SLC26A1: variants seen among roughly 807,000 people sequenced by gnomAD.
The protein encoded by SLC26A1 is solute carrier family 26 member 1.
In SLC26A1, 18 loss-of-function variants were observed where a neutral mutation model predicts 14.5. The observed-to-expected ratio is 1.24, with a 90% CI of 0.86 to 1.84. The LOEUF is 1.84. Among genes scored for constraint, SLC26A1 ranks in the 40% most tolerant of loss-of-function variants. The pLI is 0.00. For missense variants in SLC26A1, 1,049 were observed against 1,020.0 expected (o/e 1.03, Z -0.39); for synonymous variants, 505 against 492.0 (o/e 1.03, Z -0.35).
chr4:988,524 A>G lies in SLC26A1; in HGVS notation c.*309T>C. 1 of 1,196,620 alleles carries G rather than the reference A, an allele frequency of 8.4e-7. No homozygotes were observed. The highest frequency in any genetic ancestry group is 1.0e-6 in the Non-Finnish European group (1 of 963,104). The allele number at this position is 1,196,620 out of a possible 1,614,324, so 74.1% of individuals were successfully genotyped here. On this transcript the variant is annotated 3_prime_UTR_variant, in exon 3 of 3. Transcript: ENST00000398516. ...GGCGGGGGACCCTTGTTCAAATAAG[A>G]TGTCAACCCTGAGCGTCAGGTCAGG...
rs191038777 is a variant in SLC26A1, at chr4:982,552, C to T, written c.577-3048G>A. Among the ~76,000 whole-genome samples, 595 of 152,352 alleles carry T rather than the reference C, an allele frequency of 3.9e-3. 35 individuals are homozygous for T. In the South Asian group the frequency reaches 0.1, roughly 26 times the overall value. On this transcript the variant is annotated intron_variant, in intron 2 of 2. Transcript: ENST00000398520. Reference sequence around the variant, plus strand: ...CTGCCCGGACGCCCCCAGTGAAAGGCGGACCTGGAAGCAATGTGCCAGGCG... The same window carrying T: ...CTGCCCGGACGCCCCCAGTGAAAGGTGGACCTGGAAGCAATGTGCCAGGCG...
Position 990,072 on chromosome 4 carries a change from C to T in SLC26A1, c.867G>A (p.Arg289=), listed in dbSNP as rs1391100406. ...ELSDRYRHRL[R]VPLPTELLVI... ...CCAGCAGCTCCGTGGGCAGCGGCAC[C>T]CTCAGGCGGTGTCGGTAGCGGTCTG... The change falls in exon 3 of 3, where the codon AGG becomes AGA. Residue 289 remains arginine, a synonymous_variant. Transcript: ENST00000398516. 1.9e-6 allele frequency: 3 copies of T among 1,601,400 alleles called. No homozygotes were observed. The highest frequency in any genetic ancestry group is 2.7e-5 in the African/African-American group (2 of 74,894).
In SLC26A1 at chr4:988,969, A is replaced by G; in HGVS notation, c.1970T>C (p.Leu657Pro). 1 of 1,596,980 alleles carries G rather than the reference A, an allele frequency of 6.3e-7. No individual in the cohort carries two copies. Among genetic ancestry groups the G allele is most frequent in the African/African-American group, 1.3e-5 (1 of 74,634 alleles). The part of the protein sequence containing the change: ...ACCSPPVRDI[L>P]SRGGFLGEGP... ...CTCCCCGAGGAAGCCTCCTCTGCTC[A>G]GAATGTCTCTCACAGGCGGGCTGCA... Residue 657 changes from leucine (L) to proline (P), a missense_variant, in exon 3 of 3, where the codon CTG becomes CCG. Leu to Pro is a moderately conservative substitution (Grantham distance 98, BLOSUM62 -3). Transcript: ENST00000398516.
chr4:983,372 C>T (rs774458131), downstream of SLC26A1, among the ~76,000 whole-genome samples: 1 of 152,202 alleles, frequency 6.6e-6, no homozygotes, highest in Non-Finnish European at 1.5e-5. Flanking sequence ...AATAACTTTT[C>T]TCTGTCTTTC....
chr4:987,046 T>G (rs778289738), downstream of SLC26A1: 86 of 1,512,854 alleles, frequency 5.7e-5, no homozygotes, highest in East Asian at 2.9e-4. Context: ...GAACCGGCAG[T>G]GCAGCCCGAA....
downstream of SLC26A1, among the ~76,000 whole-genome samples, chr4:985,303 G>A (rs1713670978): frequency 6.6e-6 from 1 of 152,280 alleles, no homozygotes. Flanking sequence ...CCGCCCCAAA[G>A]CGGGCCCCGC....
Position 988,240 on chromosome 4 carries a change from C to T in SLC26A1, c.*593G>A, listed in dbSNP as rs1372212813. The stretch of plus-strand genomic sequence containing the variant: ...AGCATCCCTGTGTGTGTCTGCTGGC[C>T]AGGCTGGGTAGGGCCACTGCACCTG... On this transcript the variant is annotated 3_prime_UTR_variant, in exon 3 of 3. Coordinates refer to ENST00000398516, the MANE Select transcript of SLC26A1 (RefSeq NM_022042.4). 1.6e-6 allele frequency: 2 copies of T among 1,281,298 alleles called. No homozygotes were observed. Among genetic ancestry groups the T allele is most frequent in the African/African-American group, 1.5e-5 (1 of 66,234 alleles). 79.4% of individuals were successfully genotyped at this position (1,281,298 alleles called of 1,614,324 possible). A position where few individuals can be genotyped will look rare whatever the true frequency, so the allele number is the denominator to read the frequency against.
rs927408626 is a variant in SLC26A1 at position 987,722 on chromosome 4, G to C, written c.*1111C>G. On this transcript the variant is annotated 3_prime_UTR_variant, in exon 3 of 3. Coordinates refer to ENST00000398516, the MANE Select transcript of SLC26A1 (RefSeq NM_022042.4). ...CGGGCAGCGCCTGGATCCTGCGCCC[G>C]GGCAGTCCTGGGCTTGAACGTGTGT... is the stretch of plus-strand genomic sequence containing the variant. The C allele has an allele frequency of 1.3e-6, 2 of 1,585,694 alleles. No individual in the cohort carries two copies. Among genetic ancestry groups the C allele is most frequent in the African/African-American group, 1.3e-5 (1 of 74,328 alleles).
At chr4:985,090 G>T (rs1190876371), downstream of SLC26A1, among the ~76,000 whole-genome samples, 2 of 152,248 alleles carry the variant, frequency 1.3e-5, no homozygotes, top group Non-Finnish European at 2.9e-5. Flanking sequence ...GCTGGCTTCA[G>T]TCCCCACAAA....
intron 2 of SLC26A1, among the ~76,000 whole-genome samples, chr4:980,997 G>GC (rs1713522255): frequency 6.6e-6 from 1 of 152,116 alleles, no homozygotes; most frequent in Non-Finnish European, 1.5e-5. Flanking sequence ...CACCCCTTAG[G>GC]CCGCACACCC....
Position 988,521 on chromosome 4 carries a change from A to C in SLC26A1, c.*312T>G, listed in dbSNP as rs1040941734. On this transcript the variant is annotated 3_prime_UTR_variant, in exon 3 of 3. Coordinates refer to ENST00000398516, the MANE Select transcript of SLC26A1 (RefSeq NM_022042.4). The stretch of plus-strand genomic sequence containing the variant: ...GATGGCGGGGGACCCTTGTTCAAAT[A>C]AGATGTCAACCCTGAGCGTCAGGTC... 1.1e-5 allele frequency: 13 copies of C among 1,183,916 alleles called. No individual in the cohort carries two copies. The highest frequency in any genetic ancestry group is 1.4e-5 in the Non-Finnish European group (13 of 955,266). The allele number at this position is 1,183,916 out of a possible 1,614,324, so 73.3% of individuals were successfully genotyped here. A position where few individuals can be genotyped will look rare whatever the true frequency, so the allele number is the denominator to read the frequency against.
At chr4:981,285 G>A (rs908223274) in intron 2 of SLC26A1, among the ~76,000 whole-genome samples, 3 of 152,218 alleles carry the variant, frequency 2.0e-5, no homozygotes, top group African/African-American at 7.2e-5. Flanking sequence ...GGGTTCTGGT[G>A]GCAACATATT....
chr4:986,846 A>G (rs1560531235), downstream of SLC26A1: 1 of 643,030 alleles, frequency 1.6e-6, no homozygotes, highest in Admixed American at 2.1e-5. Context: ...GCGCTTTCCG[A>G]GTCATCGGTC....
At position 988,060 on chromosome 4, in the gene SLC26A1, A is replaced by G. The variant is rs1421848695; in HGVS notation, c.*773T>C. ...CCCTTGTTCCCCCACCTCCCGCCGA[A>G]GCACCCTGTTGGGGAGAGCGTGTCC... On this transcript the variant is annotated 3_prime_UTR_variant, in exon 3 of 3. Transcript: ENST00000398516. The G allele has an allele frequency of 2.7e-6, 4 of 1,473,938 alleles. No homozygotes were observed. Among genetic ancestry groups the G allele is most frequent in the Non-Finnish European group, 3.6e-6 (4 of 1,109,850 alleles). The allele number at this position is 1,473,938 out of a possible 1,614,324, so 91.3% of individuals were successfully genotyped here.
chr4:989,688 C>G lies in SLC26A1; in HGVS notation c.1251G>C (p.Val417=), dbSNP rs767043831. 1.8e-5 allele frequency: 28 copies of G among 1,564,156 alleles called. No homozygotes were observed. The highest frequency in any genetic ancestry group is 2.4e-5 in the East Asian group (1 of 42,360). Residue 417 remains valine, a synonymous_variant, in exon 3 of 3, where the codon GTG becomes GTC. Coordinates refer to ENST00000398516, the MANE Select transcript of SLC26A1 (RefSeq NM_022042.4). ...ATGCRTQLSS[V]VSATVVLLVL... ...CCAGCAGCACCACGGTGGCGCTGAC[C>G]ACGCTGGACAGCTGTGTCCGGCAGC...
Position 987,900 on chromosome 4 carries a change from G to C in SLC26A1, c.*933C>G. The stretch of plus-strand genomic sequence containing the variant: ...CTATGTGGGCGCCGTCCCTCACCGC[G>C]GCATCAAGCAGGTCCGGACCCACTG... On this transcript the variant is annotated 3_prime_UTR_variant, in exon 3 of 3. Coordinates refer to ENST00000398516, the MANE Select transcript of SLC26A1 (RefSeq NM_022042.4). 6.2e-7 allele frequency: 1 copy of C among 1,608,582 alleles called. No homozygotes were observed. The highest frequency in any genetic ancestry group is 8.5e-7 in the Non-Finnish European group (1 of 1,178,256).
intron 2 of SLC26A1, 122 bp from the exon 3 acceptor site, chr4:990,484 G>T: frequency 1.0e-6 from 1 of 998,038 alleles, no homozygotes; most frequent in Non-Finnish European, 1.4e-6. Context: ...CTGTGTTGCG[G>T]CCCCGTGTGT....
rs773908263 is a variant in SLC26A1 at position 987,891 on chromosome 4, C to A, written c.*942G>T. ...CAACCTCGCCTATGTGGGCGCCGTC[C>A]CTCACCGCGGCATCAAGCAGGTCCG... is the stretch of plus-strand genomic sequence containing the variant. On this transcript the variant is annotated 3_prime_UTR_variant, in exon 3 of 3. Coordinates refer to ENST00000398516, the MANE Select transcript of SLC26A1 (RefSeq NM_022042.4). 1 of 1,610,362 alleles carries A rather than the reference C, an allele frequency of 6.2e-7. No individual in the cohort carries two copies. Among genetic ancestry groups the A allele is most frequent in the South Asian group, 1.1e-5 (1 of 90,580 alleles).
intron 2 of SLC26A1, among the ~76,000 whole-genome samples, chr4:981,732 G>A (rs563167598): frequency 1.3e-5 from 2 of 152,326 alleles, no homozygotes; most frequent in South Asian, 2.1e-4. Context: ...GCCGGCTGGC[G>A]TCTCTCAGCC....
Sources: gnomAD v4.1 joint callset for allele counts (sites outside exome capture counted in the v4.1 genomes callset) on GRCh38, gnomAD v4.1.1 for gene constraint, MANE v1.5 for transcripts, NCBI Gene and HGNC (gene_info 2026-07-23, HGNC 2026-07-21) for gene names.